Variants in NHS observed in about 807,000 individuals in gnomAD.
NHS encodes NHS actin remodeling regulator.
NHS carries 5 observed loss-of-function variants against 72.5 expected under a neutral mutation model. The observed-to-expected ratio is 0.07, with a 90% CI of 0.04 to 0.14. NHS has a LOEUF of 0.14. NHS is among the 10% of genes least tolerant of loss of function. The probability of loss-of-function intolerance (pLI) is 1.00; values close to 1 mark genes in which losing one functional copy is unlikely to be tolerated. For synonymous variants in NHS, 464 were observed against 547.7 expected, an observed-to-expected ratio of 0.85 and a Z score of 2.13; for missense variants, 1,072 against 1,355.7, an observed-to-expected ratio of 0.79 and a Z score of 3.29.
intron 1 of NHS, among the ~76,000 whole-genome samples, chrX:17,685,469 TTGTATC>T (rs1197682639): frequency 2.7e-5 from 3 of 111,752 alleles, no homozygotes; most frequent in African/African-American, 9.8e-5. Context: ...GCATTACTCT[TTGTATC>T]TGTGAATTCA....
At chrX:17,523,072 TC>T (rs1187563079) in intron 1 of NHS, among the ~76,000 whole-genome samples, 3 of 112,147 alleles carry the variant, frequency 2.7e-5, no homozygotes, top group African/African-American at 6.5e-5. Flanking sequence ...TTGGTGACTG[TC>T]TTTTGAGGAG....
rs189509105 is a variant in NHS, at chrX:17,445,048, C to T, written c.565+68726C>T. 6.3e-4 allele frequency among the ~76,000 whole-genome samples: 70 copies of T among 111,703 alleles called. No individual in the cohort carries two copies. In the East Asian group the frequency reaches 0.013, roughly 21 times the overall value. On this transcript the variant is annotated intron_variant, in intron 1 of 8. Transcript: ENST00000676302. Reference sequence around the variant, plus strand: ...AAAATGAGTTTGGAAATGCTTCCTTCCTGGTGCGTGTGCTGGGATGCAGAC... The same window carrying T: ...AAAATGAGTTTGGAAATGCTTCCTTTCTGGTGCGTGTGCTGGGATGCAGAC...
Position 17,516,556 on chromosome X carries a change from A to AAC in NHS, c.565+140245_565+140246dup, listed in dbSNP as rs1289837765. The stretch of plus-strand genomic sequence containing the variant: ...ATTCTTGAAAGGGGATTTAACTTAC[A>AAC]ACACACACACACGCGCACACACACA... On this transcript the variant is annotated intron_variant, in intron 1 of 8. Transcript: ENST00000676302. Among the ~76,000 whole-genome samples the AAC allele has an allele frequency of 2.6e-3, 246 of 94,316 alleles. 1 individual carries two copies. The highest frequency in any genetic ancestry group is 9.1e-3 in the African/African-American group (225 of 24,737). 81.9% of individuals were successfully genotyped at this position (94,316 alleles called of 115,157 possible).
At chrX:17,634,254 G>A (rs1293763021) in intron 1 of NHS, among the ~76,000 whole-genome samples, 1 of 112,201 alleles carries the variant, frequency 8.9e-6, no homozygotes, top group Non-Finnish European at 1.9e-5. Context: ...GTTCCTCTTC[G>A]GAAATGAAGT....
chrX:17,574,782 G>C (rs1022496534), intron 1 of NHS, among the ~76,000 whole-genome samples: 1 of 111,179 alleles, frequency 9.0e-6, no homozygotes, highest in Non-Finnish European at 1.9e-5. Flanking sequence ...CTTCTGCATC[G>C]ATCTCGCTGG....
chrX:17,725,218 T>G, intron 6 of NHS, 129 bp from the exon 7 acceptor site: 1 of 559,490 alleles, frequency 1.8e-6, no homozygotes. Context: ...TATATATTGA[T>G]TTTTTTTCTG....
intron 1 of NHS, among the ~76,000 whole-genome samples, chrX:17,599,812 G>T (rs2065640802): frequency 9.0e-6 from 1 of 111,216 alleles, no homozygotes. Context: ...ACCAGTTGAT[G>T]CAGGGAAGTT....
intron 1 of NHS, chrX:17,686,666 T>G (rs1304051610): frequency 9.0e-6 from 1 of 110,963 alleles, no homozygotes; most frequent in African/African-American, 3.3e-5. Context: ...TGGGTAGGAG[T>G]TGACTTTTGC....
At chrX:17,490,535 G>C (rs2064986240) in intron 1 of NHS, among the ~76,000 whole-genome samples, 1 of 112,273 alleles carries the variant, frequency 8.9e-6, no homozygotes, top group South Asian at 3.7e-4. Flanking sequence ...TAGCCTTGTA[G>C]TATAGTTTGA....
chrX:17,656,320 G>A (rs1468393958), intron 1 of NHS, among the ~76,000 whole-genome samples: 1 of 113,563 alleles, frequency 8.8e-6, no homozygotes, highest in Non-Finnish European at 1.9e-5. Flanking sequence ...GCGCCCCACC[G>A]CAACCCTCCG....
intron 1 of NHS, among the ~76,000 whole-genome samples, chrX:17,666,562 G>T (rs984405649): frequency 2.7e-5 from 3 of 112,673 alleles, no homozygotes; most frequent in Non-Finnish European, 5.6e-5. Flanking sequence ...CTATGCTAAA[G>T]TACTAGTGCC....
chrX:17,432,529 A>T (rs1216539560), intron 1 of NHS, among the ~76,000 whole-genome samples: 3 of 112,519 alleles, frequency 2.7e-5, no homozygotes, highest in African/African-American at 9.7e-5. Context: ...CTTTGCCTCT[A>T]CCTCGTTTTA....
Position 17,598,530 on chromosome X carries a change from T to G in NHS, c.566-89212T>G, listed in dbSNP as rs761739921. Among the ~76,000 whole-genome samples, 7 of 111,805 alleles carry G rather than the reference T, an allele frequency of 6.3e-5. No homozygotes were observed. In the East Asian group the frequency reaches 1.1e-3, roughly 18 times the overall value. On this transcript the variant is annotated intron_variant, in intron 1 of 8. Transcript: ENST00000676302. ...GCCTTACACTAGCGTTGTACAAATA[T>G]TAACCTATTAGATTGTCACAACAAC... is the stretch of plus-strand genomic sequence containing the variant.
chrX:17,539,671 A>G (rs2065253126), intron 1 of NHS, among the ~76,000 whole-genome samples: 1 of 110,868 alleles, frequency 9.0e-6, no homozygotes, highest in African/African-American at 3.3e-5. Context: ...GAGGCTTTGG[A>G]CCCTAGCAGA....
At chrX:17,712,290 T>TATATATATATATATAC (rs1396937988) in intron 3 of NHS, among the ~76,000 whole-genome samples, 28 of 52,980 alleles carry the variant, frequency 5.3e-4, no homozygotes, top group African/African-American at 8.2e-4. Flanking sequence ...TATATATATA[T>TATATATATATATATAC]ACACACACAC....
intron 1 of NHS, among the ~76,000 whole-genome samples, chrX:17,515,755 A>G (rs1358309359): frequency 1.8e-5 from 2 of 112,108 alleles, no homozygotes; most frequent in East Asian, 2.8e-4. Flanking sequence ...AATTCTCACA[A>G]CAACCCTATG....
chrX:17,518,763 G>A (rs1280170986), intron 1 of NHS, among the ~76,000 whole-genome samples: 1 of 111,787 alleles, frequency 8.9e-6, no homozygotes, highest in Non-Finnish European at 1.9e-5. Flanking sequence ...GGGAGCTTGA[G>A]AAAATACTGA....
At chrX:17,459,554 A>C (rs1318206212) in intron 1 of NHS, among the ~76,000 whole-genome samples, 1 of 112,208 alleles carries the variant, frequency 8.9e-6, no homozygotes, top group Admixed American at 9.4e-5. Flanking sequence ...ATTCCTGCAT[A>C]TGTGGCAGAG....
intron 1 of NHS, among the ~76,000 whole-genome samples, chrX:17,411,322 T>C (rs1449898150): frequency 8.9e-6 from 1 of 111,881 alleles, no homozygotes; most frequent in Admixed American, 9.5e-5. Flanking sequence ...GTAAGAGGAA[T>C]GGGCTGTGTT....
Sources: allele counts gnomAD v4.1 joint callset (sites outside exome capture counted in the v4.1 genomes callset), GRCh38; gene constraint gnomAD v4.1.1; transcripts MANE v1.5; gene names NCBI Gene and HGNC (gene_info 2026-07-23, HGNC 2026-07-21).